The following PCCA variants were observed in gnomAD, a reference collection of about 807,000 sequenced individuals.
PCCA encodes the protein propionyl-CoA carboxylase alpha chain, mitochondrial.
In PCCA, 74 loss-of-function variants were observed where a neutral mutation model predicts 101.3. The observed-to-expected ratio is 0.73, with a 90% CI of 0.61 to 0.89. The LOEUF (loss-of-function observed/expected upper bound fraction) is 0.89, where lower values mean the gene tolerates loss of function less well. Ranked by LOEUF, PCCA falls within the 40% of genes least tolerant of loss-of-function variation. The pLI is 0.00. For missense variants in PCCA, 891 were observed against 907.0 expected, an observed-to-expected ratio of 0.98 and a Z score of 0.23; for synonymous variants, 294 against 313.6, an observed-to-expected ratio of 0.94 and a Z score of 0.66.
chr13:100,223,627 C>A (rs1411781214), intron 7 of PCCA, among the ~76,000 whole-genome samples: 1 of 152,066 alleles, frequency 6.6e-6, no homozygotes, highest in African/African-American at 2.4e-5. Flanking sequence ...TGGAAGGGGA[C>A]CCGAGCGTGT....
At chr13:100,455,452 T>G (rs1194192846) in intron 21 of PCCA, among the ~76,000 whole-genome samples, 3 of 152,228 alleles carry the variant, frequency 2.0e-5, no homozygotes, top group African/African-American at 7.2e-5. Flanking sequence ...TTAAACTTGA[T>G]ATACATAGAA....
At chr13:100,265,181 C>A (rs1192909805) in intron 10 of PCCA, among the ~76,000 whole-genome samples, 1 of 152,160 alleles carries the variant, frequency 6.6e-6, no homozygotes, top group Non-Finnish European at 1.5e-5. Context: ...AACAGAAGTT[C>A]TGAATTATAG....
At chr13:100,419,795 A>C in intron 19 of PCCA, among the ~76,000 whole-genome samples, 1 of 152,236 alleles carries the variant, frequency 6.6e-6, no homozygotes, top group Non-Finnish European at 1.5e-5. Flanking sequence ...CGAGAAAATA[A>C]GGACTTGGGC....
chr13:100,154,916 T>C, intron 4 of PCCA, 63 bp from the exon 5 acceptor site: 1 of 1,060,740 alleles, frequency 9.4e-7, no homozygotes, highest in Non-Finnish European at 1.5e-6. Context: ...TTGTGTGTAT[T>C]TGCAGATGAT....
chr13:100,182,098 C>CTTTTTTTTTTTTTTTTTTTTT (rs558498604), intron 6 of PCCA, among the ~76,000 whole-genome samples: 1 of 105,454 alleles, frequency 9.5e-6, no homozygotes, highest in Admixed American at 1.0e-4. Flanking sequence ...TTTTCTTTTT[C>CTTTTTTTTTTTTTTTTTTTTT]TTTTTTTTTT....
Position 100,137,796 on chromosome 13 carries a change from G to T in PCCA, c.301-17183G>T, listed in dbSNP as rs1013805880. Among the ~76,000 whole-genome samples the T allele has an allele frequency of 2.1e-5, 3 of 142,956 alleles. No homozygotes were observed. The South Asian group carries it at 6.8e-4, about 32-fold the overall frequency. 93.8% of individuals were successfully genotyped at this position (142,956 alleles called of 152,430 possible). A position where few individuals can be genotyped will look rare whatever the true frequency, so the allele number is the denominator to read the frequency against. Reference sequence around the variant, plus strand: ...TTTGACAATCTCTTTTAATTTGTATGTTTAAGTCTTTTTTTTTTTTTTATT... The same window carrying T: ...TTTGACAATCTCTTTTAATTTGTATTTTTAAGTCTTTTTTTTTTTTTTATT... On this transcript the variant is annotated intron_variant, in intron 4 of 23. Coordinates refer to ENST00000376285, the MANE Select transcript of PCCA (RefSeq NM_000282.4).
At chr13:100,162,861 A>G (rs1012470384) in intron 6 of PCCA, among the ~76,000 whole-genome samples, 2 of 152,202 alleles carry the variant, frequency 1.3e-5, no homozygotes, top group Non-Finnish European at 2.9e-5. Context: ...TAATAATTTT[A>G]TAATATTTTT....
At chr13:100,302,783 T>C (rs927506728) in intron 13 of PCCA, 141 bp from the exon 14 acceptor site, 2 of 696,414 alleles carry the variant, frequency 2.9e-6, no homozygotes, top group African/African-American at 3.5e-5. Flanking sequence ...TAAAAGACAA[T>C]AATATTCTGA....
chr13:100,461,602 G>A (rs1248233629), intron 21 of PCCA, among the ~76,000 whole-genome samples: 1 of 152,156 alleles, frequency 6.6e-6, no homozygotes, highest in East Asian at 1.9e-4. Context: ...TCTGACTTAA[G>A]TTGATCTCTC....
intron 8 of PCCA, among the ~76,000 whole-genome samples, chr13:100,254,918 A>T (rs933312658): frequency 8.0e-5 from 11 of 137,714 alleles, no homozygotes; most frequent in Non-Finnish European, 9.4e-5. Context: ...CCCCATCTTT[A>T]AAAAAAAAAA....
At chr13:100,346,576 A>G (rs1482103188) in intron 18 of PCCA, among the ~76,000 whole-genome samples, 2 of 152,220 alleles carry the variant, frequency 1.3e-5, no homozygotes, top group Non-Finnish European at 2.9e-5. Context: ...ATTTTAGAAT[A>G]TTACATTAAC....
chr13:100,207,693 T>C (rs1388692623), intron 6 of PCCA, among the ~76,000 whole-genome samples: 1 of 151,952 alleles, frequency 6.6e-6, no homozygotes. Context: ...CATTCACAGC[T>C]TTTAATTCCG....
chr13:100,347,513 T>C (rs1469103625), intron 18 of PCCA, among the ~76,000 whole-genome samples: 4 of 152,222 alleles, frequency 2.6e-5, no homozygotes, highest in Non-Finnish European at 5.9e-5. Context: ...ACAGAGTATG[T>C]TATATTGTGA....
intron 7 of PCCA, among the ~76,000 whole-genome samples, chr13:100,227,493 C>A (rs1387952725): frequency 6.6e-6 from 1 of 152,122 alleles, no homozygotes; most frequent in African/African-American, 2.4e-5. Flanking sequence ...TGTTACTATT[C>A]TTGGGTTGGG....
chr13:100,278,574 G>C (rs961675643), intron 12 of PCCA, among the ~76,000 whole-genome samples: 1 of 151,788 alleles, frequency 6.6e-6, no homozygotes, highest in Non-Finnish European at 1.5e-5. Flanking sequence ...CCGCCTCCCG[G>C]GTTCAGGCAA....
At chr13:100,150,171 G>A (rs1445334048) in intron 4 of PCCA, among the ~76,000 whole-genome samples, 3 of 151,886 alleles carry the variant, frequency 2.0e-5, no homozygotes, top group Non-Finnish European at 4.4e-5. Flanking sequence ...GGGATTACAG[G>A]CATGCACCAT....
chr13:100,407,640 T>C (rs1459393237), intron 19 of PCCA, among the ~76,000 whole-genome samples: 2 of 152,236 alleles, frequency 1.3e-5, no homozygotes, highest in Non-Finnish European at 2.9e-5. Context: ...TTCTGCAAGA[T>C]TCATTTCCAC....
chr13:100,336,079 G>A (rs1217018918), intron 17 of PCCA, among the ~76,000 whole-genome samples: 1 of 152,050 alleles, frequency 6.6e-6, no homozygotes, highest in Non-Finnish European at 1.5e-5. Context: ...CCTGACTAAT[G>A]TGGAGAAACC....
intron 6 of PCCA, among the ~76,000 whole-genome samples, chr13:100,188,774 A>G (rs565371007): frequency 1.3e-4 from 20 of 152,042 alleles, no homozygotes; most frequent in Middle Eastern, 3.4e-3. Context: ...GGTGGTATCT[A>G]TTGTATTGTG....
Sources: allele counts gnomAD v4.1 joint callset (sites outside exome capture counted in the v4.1 genomes callset), GRCh38; gene constraint gnomAD v4.1.1; transcripts MANE v1.5; gene names NCBI Gene and HGNC (gene_info 2026-07-23, HGNC 2026-07-21).